Variants in GPR39 observed in about 807,000 individuals in gnomAD.
GPR39 encodes G protein-coupled receptor 39, also known as zinc sensing receptor.
In GPR39, 23 loss-of-function variants were observed where a neutral mutation model predicts 18.4. That is an observed-to-expected ratio of 1.25 (90% CI 0.90 to 1.77). The LOEUF is 1.77. Ranked by LOEUF, GPR39 falls within the 40% of genes most tolerant of loss-of-function variation. The pLI, the probability that GPR39 is intolerant of heterozygous loss-of-function variation, is 0.00. For synonymous variants in GPR39, 280 were observed against 257.9 expected (o/e 1.09, Z -0.82); for missense variants, 647 against 602.4 (o/e 1.07, Z -0.78).
intron 1 of GPR39, among the ~76,000 whole-genome samples, chr2:132,541,320 A>G (rs1034690553): frequency 3.3e-5 from 5 of 152,024 alleles, no homozygotes; most frequent in African/African-American, 1.2e-4. Flanking sequence ...CTGACCTCAG[A>G]TGATCCACCC....
rs1054808018 is a variant in GPR39 at position 132,429,855 on chromosome 2, C to T, written c.856+11957C>T. Among the ~76,000 whole-genome samples the T allele has an allele frequency of 4.3e-4, 65 of 152,186 alleles. 1 individual carries two copies. Among genetic ancestry groups the T allele is most frequent in the African/African-American group, 1.5e-3 (62 of 41,454 alleles). ...TCTGCTGTTTGTCCTAAGAACTCTG[C>T]ATGTCCAGAAAGTAGGTAATAGAAT... On this transcript the variant is annotated intron_variant, in intron 1 of 1. Transcript: ENST00000329321.
chr2:132,449,900 A>G (rs1680603467), intron 1 of GPR39, among the ~76,000 whole-genome samples: 1 of 151,994 alleles, frequency 6.6e-6, no homozygotes. Context: ...TACATCTCCT[A>G]CACCTTCTAG....
At chr2:132,537,775 A>G (rs1241845021) in intron 1 of GPR39, among the ~76,000 whole-genome samples, 3 of 151,372 alleles carry the variant, frequency 2.0e-5, no homozygotes, top group Non-Finnish European at 4.4e-5. Context: ...TCTTGTCTGC[A>G]TGCTTTATTT....
chr2:132,534,760 T>G (rs13014973), intron 1 of GPR39, among the ~76,000 whole-genome samples: 1 of 151,894 alleles, frequency 6.6e-6, no homozygotes, highest in East Asian at 1.9e-4. Flanking sequence ...AACACCACAT[T>G]TTCTCACTCA....
intron 1 of GPR39, among the ~76,000 whole-genome samples, chr2:132,516,148 A>G (rs2872961): frequency 0.09 from 13,642 of 152,046 alleles, 1,523 homozygotes; most frequent in African/African-American, 0.27. Flanking sequence ...CTTGCTCGCC[A>G]GGCTTTTGAG....
At chr2:132,545,549 G>A (rs1412555004) in intron 1 of GPR39, among the ~76,000 whole-genome samples, 1 of 152,134 alleles carries the variant, frequency 6.6e-6, no homozygotes, top group South Asian at 2.1e-4. Flanking sequence ...CTAATGCTAA[G>A]AGTGGCTATA....
chr2:132,645,943 C>CCAGAATA lies in GPR39; in HGVS notation c.*338_*344dup, dbSNP rs1194647210. On this transcript the variant is annotated 3_prime_UTR_variant, in exon 2 of 2. Transcript: ENST00000329321. Reference sequence around the variant, plus strand: ...GAGAACACGGACTCCCGCTCCCTACCCAGAATAAAAGGACACCCAGAAGAA... The same window carrying CCAGAATA: ...GAGAACACGGACTCCCGCTCCCTACCCAGAATACAGAATAAAAGGACACCCAGAAGAA... The CCAGAATA allele has an allele frequency of 3.4e-6, 3 of 871,364 alleles. No individual in the cohort carries two copies. Among genetic ancestry groups the CCAGAATA allele is most frequent in the Non-Finnish European group, 5.2e-6 (3 of 577,130 alleles). 54.0% of individuals were successfully genotyped at this position (871,364 alleles called of 1,614,324 possible).
chr2:132,624,683 A>G (rs1408376582), intron 1 of GPR39, among the ~76,000 whole-genome samples: 1 of 152,182 alleles, frequency 6.6e-6, no homozygotes, highest in African/African-American at 2.4e-5. Context: ...AACAAAATGT[A>G]ATCTTCCGCA....
chr2:132,472,080 A>G (rs1481658543), intron 1 of GPR39, among the ~76,000 whole-genome samples: 1 of 152,188 alleles, frequency 6.6e-6, no homozygotes, highest in Non-Finnish European at 1.5e-5. Context: ...TTCAGCAATG[A>G]TAACAGATAG....
intron 1 of GPR39, among the ~76,000 whole-genome samples, chr2:132,619,002 G>A (rs1019439172): frequency 4.6e-5 from 7 of 152,164 alleles, no homozygotes; most frequent in Non-Finnish European, 8.8e-5. Flanking sequence ...TGGTAACCCC[G>A]AGGACGGACC....
At chr2:132,519,760 T>G (rs1679391012) in intron 1 of GPR39, among the ~76,000 whole-genome samples, 1 of 152,232 alleles carries the variant, frequency 6.6e-6, no homozygotes, top group African/African-American at 2.4e-5. Context: ...GATGACACTC[T>G]GATAAGCTTC....
chr2:132,526,764 C>T (rs1299637535), intron 1 of GPR39, among the ~76,000 whole-genome samples: 3 of 152,106 alleles, frequency 2.0e-5, no homozygotes, highest in Non-Finnish European at 4.4e-5. Flanking sequence ...CCTATATTAA[C>T]TGTGCTCCAG....
At chr2:132,522,128 C>T (rs1679436870) in intron 1 of GPR39, among the ~76,000 whole-genome samples, 3 of 152,192 alleles carry the variant, frequency 2.0e-5, no homozygotes, top group African/African-American at 4.8e-5. Context: ...GAGTCCCTAT[C>T]TGTCAAAGGC....
intron 1 of GPR39, among the ~76,000 whole-genome samples, chr2:132,528,842 A>G (rs1679557930): frequency 6.6e-6 from 1 of 152,180 alleles, no homozygotes; most frequent in South Asian, 2.1e-4. Context: ...GGCTGAGACA[A>G]TAGGGTTTTC....
intron 1 of GPR39, among the ~76,000 whole-genome samples, chr2:132,427,878 TATATATATATA>T (rs989561667): frequency 2.1e-5 from 3 of 143,664 alleles, no homozygotes; most frequent in Non-Finnish European, 4.5e-5. Context: ...CTGTACTTCA[TATATATATATA>T]ATATATATAT....
At chr2:132,441,439 C>T (rs548150754) in intron 1 of GPR39, among the ~76,000 whole-genome samples, 1 of 151,376 alleles carries the variant, frequency 6.6e-6, no homozygotes, top group South Asian at 2.1e-4. Flanking sequence ...TGAATGCCTA[C>T]CATGGAAAGA....
At chr2:132,535,294 A>G (rs1679733155) in intron 1 of GPR39, among the ~76,000 whole-genome samples, 2 of 152,176 alleles carry the variant, frequency 1.3e-5, no homozygotes, top group African/African-American at 4.8e-5. Context: ...AGTTTTATCA[A>G]AGTCCTTTTC....
chr2:132,602,506 A>G (rs1460163547), intron 1 of GPR39, among the ~76,000 whole-genome samples: 1 of 152,148 alleles, frequency 6.6e-6, no homozygotes, highest in Non-Finnish European at 1.5e-5. Flanking sequence ...GTAAGACTTC[A>G]AAAGCACAGA....
chr2:132,646,440 A>G lies in GPR39; in HGVS notation c.*834A>G, dbSNP rs1384917155. On this transcript the variant is annotated 3_prime_UTR_variant, in exon 2 of 2. Coordinates refer to ENST00000329321, the MANE Select transcript of GPR39 (RefSeq NM_001508.3). Reference sequence around the variant, plus strand: ...GCTTCGGATTGTCTCATTGATATTCAAGATAGATGGTGAAAGAGACAGGCA... The same window carrying G: ...GCTTCGGATTGTCTCATTGATATTCGAGATAGATGGTGAAAGAGACAGGCA... 3 of 420,892 alleles carry G rather than the reference A, an allele frequency of 7.1e-6. No individual in the cohort carries two copies. The East Asian group carries it at 1.1e-4, about 15-fold the overall frequency. The allele number at this position is 420,892 out of a possible 1,614,324, so 26.1% of individuals were successfully genotyped here.
Sources: gnomAD v4.1 joint callset for allele counts (sites outside exome capture counted in the v4.1 genomes callset) on GRCh38, gnomAD v4.1.1 for gene constraint, MANE v1.5 for transcripts, NCBI Gene and HGNC (gene_info 2026-07-23, HGNC 2026-07-21) for gene names.